Variants in KIF21A observed in about 807,000 individuals in gnomAD.
The protein encoded by KIF21A is kinesin-like protein KIF21A.
In KIF21A, 114 loss-of-function variants were observed where a neutral mutation model predicts 202.9. The ratio of observed to expected loss-of-function variants is 0.56; its 90% CI spans 0.48 to 0.66. KIF21A has a LOEUF of 0.66. Ranked by LOEUF, KIF21A falls within the 30% of genes least tolerant of loss-of-function variation. The pLI is 0.00. For missense variants in KIF21A, 1,677 were observed against 1,994.9 expected (o/e 0.84, Z 3.04); for synonymous variants, 667 against 670.8 (o/e 0.99, Z 0.09).
At chr12:39,317,067 G>C (rs185599865) in intron 29 of KIF21A, among the ~76,000 whole-genome samples, 17 of 152,114 alleles carry the variant, frequency 1.1e-4, no homozygotes, top group African/African-American at 4.1e-4. Context: ...ATGTTAAAGA[G>C]TATTTTGTTT....
Position 39,427,517 on chromosome 12 carries a change from G to C in KIF21A, c.44+15410C>G, listed in dbSNP as rs906389550. On this transcript the variant is annotated intron_variant, in intron 1 of 37. Transcript: ENST00000361418. Reference sequence around the variant, plus strand: ...GAAACAGAAGGGATTTGAACTCAAAGTCCAACAGCATTACTTTTCATCATC... The same window carrying C: ...GAAACAGAAGGGATTTGAACTCAAACTCCAACAGCATTACTTTTCATCATC... Among the ~76,000 whole-genome samples, 5 of 152,168 alleles carry C rather than the reference G, an allele frequency of 3.3e-5. 1 individual carries two copies. The South Asian group carries it at 1.0e-3, about 32-fold the overall frequency.
intron 1 of KIF21A, among the ~76,000 whole-genome samples, chr12:39,414,334 T>C (rs1315430129): frequency 6.6e-6 from 1 of 152,202 alleles, no homozygotes; most frequent in East Asian, 1.9e-4. Context: ...TATGAAACCA[T>C]TAATGGTTAT....
intron 1 of KIF21A, among the ~76,000 whole-genome samples, chr12:39,373,763 T>A (rs1047647219): frequency 6.6e-6 from 1 of 152,228 alleles, no homozygotes. Context: ...TAGATGCTAA[T>A]GTCACTCAGA....
Position 39,307,819 on chromosome 12 carries a change from GCAA to G in KIF21A, c.4278-93_4278-91del, listed in dbSNP as rs1943623947. ...TGAATTCCCAGGAAACTGGCTGTAGGCAACAACAAGAACAGTGTCCTTTTGTCA... is the reference window on the plus strand; with the variant it reads ...TGAATTCCCAGGAAACTGGCTGTAGGCAACAAGAACAGTGTCCTTTTGTCA... On this transcript the variant is annotated intron_variant, in intron 33 of 37. Coordinates refer to ENST00000361418, the MANE Select transcript of KIF21A (RefSeq NM_001173464.2). 16 of 1,056,196 alleles carry G rather than the reference GCAA, an allele frequency of 1.5e-5. No homozygotes were observed. In the Admixed American group the frequency reaches 1.5e-4, roughly 10 times the overall value. The allele number at this position is 1,056,196 out of a possible 1,614,324, so 65.4% of individuals were successfully genotyped here.
At position 39,436,422 on chromosome 12, in the gene KIF21A, T is replaced by TTTTATATATATATATATA. The variant is rs1424497663; in HGVS notation, c.44+6504_44+6505insTATATATATATATATAAA. On this transcript the variant is annotated intron_variant, in intron 1 of 37. Coordinates refer to ENST00000361418, the MANE Select transcript of KIF21A (RefSeq NM_001173464.2). ...TCAATAATTATAAGGGTTTACTATA[T>TTTTATATATATATATATA]TATATATATATATATATATATATAT... 2.1e-3 allele frequency among the ~76,000 whole-genome samples: 211 copies of TTTTATATATATATATATA among 99,052 alleles called. 4 individuals are homozygous for TTTTATATATATATATATA. Among genetic ancestry groups the TTTTATATATATATATATA allele is most frequent in the African/African-American group, 4.4e-3 (96 of 22,008 alleles). 65.0% of individuals were successfully genotyped at this position (99,052 alleles called of 152,430 possible).
intron 33 of KIF21A, among the ~76,000 whole-genome samples, chr12:39,308,810 AAG>A (rs1460701253): frequency 2.6e-5 from 4 of 152,150 alleles, no homozygotes; most frequent in South Asian, 2.1e-4. Context: ...ATTTTTCTAC[AAG>A]AGTTTCAAGA....
chr12:39,415,206 T>G (rs1428526709), intron 1 of KIF21A, among the ~76,000 whole-genome samples: 1 of 149,134 alleles, frequency 6.7e-6, no homozygotes, highest in East Asian at 1.9e-4. Context: ...GACGGAAATT[T>G]TTTTAAAAGT....
chr12:39,382,379 C>G (rs1950668505), intron 1 of KIF21A, among the ~76,000 whole-genome samples: 1 of 152,166 alleles, frequency 6.6e-6, no homozygotes, highest in Non-Finnish European at 1.5e-5. Context: ...CTAAGGTTCT[C>G]TTAAGCATCA....
chr12:39,353,648 C>T (rs1948564864), intron 10 of KIF21A, among the ~76,000 whole-genome samples: 1 of 152,102 alleles, frequency 6.6e-6, no homozygotes, highest in South Asian at 2.1e-4. Context: ...TTTTAATTGT[C>T]TCCTTTATTA....
At chr12:39,317,123 A>AT (rs1374516873) in intron 29 of KIF21A, among the ~76,000 whole-genome samples, 2 of 152,226 alleles carry the variant, frequency 1.3e-5, no homozygotes, top group African/African-American at 4.8e-5. Flanking sequence ...TGTAAAGAAC[A>AT]TATCTTCTAC....
At chr12:39,365,311 A>C (rs1235924323) in intron 6 of KIF21A, among the ~76,000 whole-genome samples, 1 of 152,188 alleles carries the variant, frequency 6.6e-6, no homozygotes, top group Non-Finnish European at 1.5e-5. Context: ...TGTCTTGATA[A>C]ATCAGCTCTA....
intron 31 of KIF21A, among the ~76,000 whole-genome samples, chr12:39,314,814 T>G (rs1944365334): frequency 6.6e-6 from 1 of 151,924 alleles, no homozygotes; most frequent in Non-Finnish European, 1.5e-5. Context: ...ATGGCACAGT[T>G]ATTTCCAGGA....
intron 17 of KIF21A, among the ~76,000 whole-genome samples, chr12:39,334,863 C>G (rs1473111033): frequency 1.3e-5 from 2 of 152,068 alleles, no homozygotes; most frequent in African/African-American, 4.8e-5. Context: ...AAAAGTTCAT[C>G]CCAGGAGTTC....
intron 33 of KIF21A, among the ~76,000 whole-genome samples, chr12:39,308,658 T>A (rs1306436743): frequency 1.3e-5 from 2 of 152,218 alleles, no homozygotes; most frequent in Non-Finnish European, 2.9e-5. Flanking sequence ...AAATTTTTTT[T>A]AAATTTTGAA....
chr12:39,361,634 T>C (rs971235039), intron 7 of KIF21A, among the ~76,000 whole-genome samples: 11 of 138,964 alleles, frequency 7.9e-5, no homozygotes, highest in Admixed American at 6.0e-4. Context: ...GCCTCCCGAG[T>C]AGCTGGGACT....
chr12:39,364,689 T>C (rs997865736), intron 6 of KIF21A, among the ~76,000 whole-genome samples: 4 of 152,226 alleles, frequency 2.6e-5, no homozygotes, highest in Admixed American at 6.5e-5. Context: ...GAGACAAGTA[T>C]GACAGTGAGG....
rs1246547717 is a variant in KIF21A at position 39,332,735 on chromosome 12, A to T, written c.2712T>A (p.Tyr904Ter). ...TPATNGNRKK[Y>*]QRKGLTGRVF... ...CTCGGCCAGTCAATCCTTTCCTCTG[A>T]TATTTTTTCCTATAATCATATAAAA... The change falls in exon 20 of 38, where the codon TAT (tyrosine) becomes TAA (stop). Residue 904 changes from tyrosine to a stop codon, truncating the protein, a stop_gained. Transcript: ENST00000361418. LOFTEE classifies it high-confidence loss of function. The T allele has an allele frequency of 1.2e-6, 2 of 1,614,016 alleles. No individual in the cohort carries two copies.
intron 1 of KIF21A, among the ~76,000 whole-genome samples, chr12:39,397,209 T>TAA (rs1951821694): frequency 6.6e-6 from 1 of 152,244 alleles, no homozygotes; most frequent in Admixed American, 6.5e-5. Flanking sequence ...ATAAAACTGC[T>TAA]AAAATACTTG....
chr12:39,437,152 T>C (rs1938922664), intron 1 of KIF21A, among the ~76,000 whole-genome samples: 1 of 152,182 alleles, frequency 6.6e-6, no homozygotes, highest in Non-Finnish European at 1.5e-5. Context: ...ATTGGGCATA[T>C]TATAGTATTA....
Sources: gnomAD v4.1 joint callset for allele counts (sites outside exome capture counted in the v4.1 genomes callset) on GRCh38, gnomAD v4.1.1 for gene constraint, MANE v1.5 for transcripts, NCBI Gene and HGNC (gene_info 2026-07-23, HGNC 2026-07-21) for gene names.